The following MAD1L1 variants were observed in gnomAD, a reference collection of about 807,000 sequenced individuals.
MAD1L1 encodes mitotic spindle assembly checkpoint protein MAD1.
In MAD1L1, 95 loss-of-function variants were observed where a neutral mutation model predicts 96.9. The observed-to-expected ratio is 0.98, with a 90% CI of 0.83 to 1.16. The LOEUF is 1.16. MAD1L1 is among the 50% of genes most tolerant of loss of function. The probability of loss-of-function intolerance (pLI) is 0.00; values close to 1 mark genes in which losing one functional copy is unlikely to be tolerated. For missense variants in MAD1L1, 1,007 were observed against 954.4 expected (o/e 1.06, Z -0.73); for synonymous variants, 473 against 396.6 (o/e 1.19, Z -2.29).
intron 10 of MAD1L1, among the ~76,000 whole-genome samples, chr7:2,157,286 G>GGTCAGGAAGCGTCACCGTGAT (rs1370134362): frequency 2.0e-5 from 3 of 152,210 alleles, no homozygotes; most frequent in Non-Finnish European, 4.4e-5. Flanking sequence ...CTCCAGCAGT[G>GGTCAGGAAGCGTCACCGTGAT]CAGGTCACCG....
Position 2,201,678 on chromosome 7 carries a change from G to A in MAD1L1, c.986+11534C>T, listed in dbSNP as rs548404184. Among the ~76,000 whole-genome samples, 61 of 152,318 alleles carry A rather than the reference G, an allele frequency of 4.0e-4. 1 individual carries two copies. The South Asian group carries it at 8.9e-3, about 22-fold the overall frequency. On this transcript the variant is annotated intron_variant, in intron 10 of 18. Transcript: ENST00000265854. ...AAGAGCTCCGAGACCAAGTGATAGC[G>A]TTTCCACCCGGACACGCCGCAGAGC... is the stretch of plus-strand genomic sequence containing the variant.
intron 17 of MAD1L1, among the ~76,000 whole-genome samples, chr7:1,927,994 C>T (rs1202761247): frequency 6.6e-6 from 1 of 152,242 alleles, no homozygotes; most frequent in African/African-American, 2.4e-5. Flanking sequence ...ACGTGGGGGG[C>T]AGCTACTTCT....
At chr7:2,049,622 G>A (rs1784077680) in intron 12 of MAD1L1, among the ~76,000 whole-genome samples, 1 of 152,266 alleles carries the variant, frequency 6.6e-6, no homozygotes, top group Non-Finnish European at 1.5e-5. Flanking sequence ...CCTGGGTCCA[G>A]CAGCATCCCC....
chr7:2,076,438 C>A (rs746444040), intron 11 of MAD1L1, among the ~76,000 whole-genome samples: 10 of 152,234 alleles, frequency 6.6e-5, no homozygotes, highest in Non-Finnish European at 1.3e-4. Context: ...TCAGACCCGG[C>A]ACTGCCATCC....
intron 15 of MAD1L1, among the ~76,000 whole-genome samples, chr7:1,967,266 G>A (rs1780206981): frequency 6.6e-6 from 1 of 152,128 alleles, no homozygotes; most frequent in South Asian, 2.1e-4. Flanking sequence ...ATAGTCAGAT[G>A]CCCATCTGCT....
intron 18 of MAD1L1, among the ~76,000 whole-genome samples, chr7:1,816,637 C>T (rs11772232): frequency 0.13 from 20,235 of 152,094 alleles, 1,857 homozygotes; most frequent in South Asian, 0.19. Context: ...GGCCCCATGA[C>T]CTAGTTTCCC....
rs528872593 is a variant in MAD1L1 at position 1,976,939 on chromosome 7, G to A, written c.1505+3514C>T. Among the ~76,000 whole-genome samples, 16 of 152,322 alleles carry A rather than the reference G, an allele frequency of 1.1e-4. 1 individual carries two copies. The highest frequency in any genetic ancestry group is 2.4e-4 in the African/African-American group (10 of 41,566). ...CTAGACACAGAGCACTGACTGGTGC[G>A]TTTACAAACCTTTAGCTAGACACAG... On this transcript the variant is annotated intron_variant, in intron 15 of 18. Coordinates refer to ENST00000265854, the MANE Select transcript of MAD1L1 (RefSeq NM_001013836.2).
At chr7:2,081,738 G>A (rs1056349318) in intron 11 of MAD1L1, among the ~76,000 whole-genome samples, 2 of 152,254 alleles carry the variant, frequency 1.3e-5, no homozygotes, top group African/African-American at 4.8e-5. Flanking sequence ...GGAGGGGGCA[G>A]GAGCTAAGTG....
At position 2,120,220 on chromosome 7, in the gene MAD1L1, CA is replaced by C. The variant is rs201810514; in HGVS notation, c.1073+28931del. On this transcript the variant is annotated intron_variant, in intron 11 of 18. Transcript: ENST00000265854. Reference sequence around the variant, plus strand: ...TCCCCAGTTGCCTGTCCTTCAGGACCATTCCTTACAGACTGGCTGCGGCGTG... The same window carrying C: ...TCCCCAGTTGCCTGTCCTTCAGGACCTTCCTTACAGACTGGCTGCGGCGTG... 7.9e-3 allele frequency among the ~76,000 whole-genome samples: 1,210 copies of C among 152,366 alleles called. 11 individuals are homozygous for C. The highest frequency in any genetic ancestry group is 0.013 in the Admixed American group (206 of 15,310).
In MAD1L1 at chr7:1,965,884, G is replaced by A. The variant is rs201452430; in HGVS notation, c.1506-8165C>T. Among the ~76,000 whole-genome samples, 6 of 152,386 alleles carry A rather than the reference G, an allele frequency of 3.9e-5. No individual in the cohort carries two copies. The South Asian group carries it at 1.2e-3, about 32-fold the overall frequency. On this transcript the variant is annotated intron_variant, in intron 15 of 18. Transcript: ENST00000265854. ...CCCACGTCCCTGGAGGACCACAAAG[G>A]GGAGACCCAGAAACGTGAAAGGACC...
intron 18 of MAD1L1, among the ~76,000 whole-genome samples, chr7:1,879,973 G>A (rs1361093035): frequency 2.6e-5 from 4 of 152,140 alleles, no homozygotes; most frequent in Non-Finnish European, 4.4e-5. Context: ...CTGGTGATCC[G>A]CCCACCTCGA....
chr7:1,822,463 A>G (rs1255425347), intron 18 of MAD1L1, among the ~76,000 whole-genome samples: 2 of 141,326 alleles, frequency 1.4e-5, no homozygotes, highest in Non-Finnish European at 3.0e-5. Flanking sequence ...TTTTTTGGAA[A>G]GAGGGTCTTA....
intron 11 of MAD1L1, among the ~76,000 whole-genome samples, chr7:2,140,610 G>A (rs960073059): frequency 1.3e-5 from 2 of 152,240 alleles, no homozygotes; most frequent in Non-Finnish European, 2.9e-5. Context: ...GTGGGTGGGA[G>A]CCGGCCCCGC....
chr7:2,218,100 TCTC>T (rs1793390636), intron 6 of MAD1L1, 57 bp from the exon 7 acceptor site: 4 of 1,373,260 alleles, frequency 2.9e-6, no homozygotes, highest in Admixed American at 1.7e-5. Context: ...GGCCAACAAT[TCTC>T]CTCAGCCTGA....
At chr7:1,973,261 C>A (rs1451747680) in intron 15 of MAD1L1, among the ~76,000 whole-genome samples, 1 of 152,254 alleles carries the variant, frequency 6.6e-6, no homozygotes, top group Non-Finnish European at 1.5e-5. Context: ...ATCCCAGACA[C>A]TTCTGCGTCC....
rs192123180 is a variant in MAD1L1 at position 1,864,032 on chromosome 7, G to A, written c.1998+34168C>T. Among the ~76,000 whole-genome samples, 38 of 152,298 alleles carry A rather than the reference G, an allele frequency of 2.5e-4. No homozygotes were observed. In the East Asian group the frequency reaches 7.3e-3, roughly 29 times the overall value. On this transcript the variant is annotated intron_variant, in intron 18 of 18. Coordinates refer to ENST00000265854, the MANE Select transcript of MAD1L1 (RefSeq NM_001013836.2). ...AAACTACTCTGGAGGAGCAGAGGTT[G>A]CAGTGAGCCGAGATCGCGCCACTGC...
intron 11 of MAD1L1, among the ~76,000 whole-genome samples, chr7:2,094,332 T>C (rs548563355): frequency 2.1e-4 from 32 of 152,316 alleles, no homozygotes; most frequent in African/African-American, 7.0e-4. Context: ...GGACACGCAC[T>C]CACCCACACT....
intron 17 of MAD1L1, among the ~76,000 whole-genome samples, chr7:1,907,512 G>A (rs1273496624): frequency 1.3e-5 from 2 of 152,276 alleles, no homozygotes; most frequent in African/African-American, 4.8e-5. Flanking sequence ...CCCAGGCCAA[G>A]CCAGGAGGAC....
At chr7:1,999,483 C>G (rs927126640) in intron 14 of MAD1L1, among the ~76,000 whole-genome samples, 46 of 152,322 alleles carry the variant, frequency 3.0e-4, no homozygotes, top group Middle Eastern at 3.4e-3. Flanking sequence ...TGGGAAGCAC[C>G]TGAGCGTGGC....
Sources: gnomAD v4.1 joint callset for allele counts (sites outside exome capture counted in the v4.1 genomes callset) on GRCh38, gnomAD v4.1.1 for gene constraint, MANE v1.5 for transcripts, NCBI Gene and HGNC (gene_info 2026-07-23, HGNC 2026-07-21) for gene names.